The following SPRYD4 variants were observed in gnomAD, a reference collection of about 807,000 sequenced individuals.
The protein encoded by SPRYD4 is SPRY domain-containing protein 4.
Under a neutral mutation model 16.6 loss-of-function variants are expected in SPRYD4, and 12 were observed. The ratio of observed to expected loss-of-function variants is 0.72; its 90% confidence interval spans 0.46 to 1.17. The LOEUF (loss-of-function observed/expected upper bound fraction) is 1.17, where lower values mean the gene tolerates loss of function less well. Among genes scored for constraint, SPRYD4 ranks in the 50% most tolerant of loss-of-function variants. The pLI is 0.00. For synonymous variants in SPRYD4, 98 were observed against 105.4 expected (o/e 0.93, Z 0.43); for missense variants, 260 against 260.2 (o/e 1.00, Z 0.00).
At position 56,475,621 on chromosome 12, in the gene SPRYD4, T is replaced by TA; in HGVS notation, c.*6045dup. ...TCAGTCAGTCCTCTGAGTAGGGACT[T>TA]ACGTGGCATTGCTGAAACCCATGTA... On this transcript the variant is annotated 3_prime_UTR_variant, in exon 2 of 2. Coordinates refer to ENST00000338146, the MANE Select transcript of SPRYD4 (RefSeq NM_207344.4). 1.2e-6 allele frequency: 2 copies of TA among 1,614,056 alleles called. No individual in the cohort carries two copies. The highest frequency in any genetic ancestry group is 1.7e-6 in the Non-Finnish European group (2 of 1,179,940).
chr12:56,469,833 C>CT lies in SPRYD4; in HGVS notation c.*258dup, dbSNP rs1869162099. On this transcript the variant is annotated 3_prime_UTR_variant, in exon 2 of 2. Coordinates refer to ENST00000338146, the MANE Select transcript of SPRYD4 (RefSeq NM_207344.4). ...GGGTGTATCTTCCTTGACCTGCTTC[C>CT]TTCAGTCCCTCTGCCTCCCTTTGCC... 2.0e-6 allele frequency: 1 copy of CT among 505,788 alleles called. No individual in the cohort carries two copies. The highest frequency in any genetic ancestry group is 3.6e-6 in the Non-Finnish European group (1 of 280,528). The allele number at this position is 505,788 out of a possible 1,614,324, so 31.3% of individuals were successfully genotyped here.
chr12:56,479,111 C>A lies in SPRYD4; in HGVS notation c.*9534C>A. 6.2e-7 allele frequency: 1 copy of A among 1,614,046 alleles called. No individual in the cohort carries two copies. Among genetic ancestry groups the A allele is most frequent in the Middle Eastern group, 1.6e-4 (1 of 6,062 alleles). Reference sequence around the variant, plus strand: ...ATGCGATCCACATGGCCCGTGAACTCCTCAAAATCAGGAATGACAAACTTC... The same window carrying A: ...ATGCGATCCACATGGCCCGTGAACTACTCAAAATCAGGAATGACAAACTTC... On this transcript the variant is annotated 3_prime_UTR_variant, in exon 2 of 2. Transcript: ENST00000338146.
In SPRYD4 at chr12:56,469,554, C is replaced by T. The variant is rs1266644788; in HGVS notation, c.601C>T (p.Leu201Phe). The change falls in exon 2 of 2, where the codon CTT (leucine) becomes TTT (phenylalanine). Residue 201 changes from leucine (L) to phenylalanine (F), a missense_variant. Coordinates refer to ENST00000338146, the MANE Select transcript of SPRYD4 (RefSeq NM_207344.4). Reference sequence around the variant, plus strand: ...TGGGGAGCTGCTGACCCATTCAGGGCTTGAGGTGCCCGAGGGCCTCTAGTA... The same window carrying T: ...TGGGGAGCTGCTGACCCATTCAGGGTTTGAGGTGCCCGAGGGCCTCTAGTA... ...WDGELLTHSG[L>F]EVPEGL 1.9e-6 allele frequency: 3 copies of T among 1,613,662 alleles called. No individual in the cohort carries two copies. In the East Asian group the frequency reaches 6.7e-5, roughly 36 times the overall value.
chr12:56,472,363 T>C lies in SPRYD4; in HGVS notation c.*2786T>C, dbSNP rs1869361166. On this transcript the variant is annotated 3_prime_UTR_variant, in exon 2 of 2. Coordinates refer to ENST00000338146, the MANE Select transcript of SPRYD4 (RefSeq NM_207344.4). ...TTTCCATATCCAGATGAGACTGTTA[T>C]ACTCATATTAGAGAGATGGGAATGT... is the stretch of plus-strand genomic sequence containing the variant. 1 of 629,252 alleles carries C rather than the reference T, an allele frequency of 1.6e-6. No homozygotes were observed. Among genetic ancestry groups the C allele is most frequent in the South Asian group, 1.9e-5 (1 of 52,538 alleles). 39.0% of individuals were successfully genotyped at this position (629,252 alleles called of 1,614,324 possible). A position where few individuals can be genotyped will look rare whatever the true frequency, so the allele number is the denominator to read the frequency against.
rs1187458316 is a variant in SPRYD4, at chr12:56,473,407, C to T, written c.*3830C>T. ...TGCTTTATTATAGTAAAAGTGGTAC[C>T]ATTAAACAAATTTATTGCTTCAAAA... On this transcript the variant is annotated 3_prime_UTR_variant, in exon 2 of 2. Transcript: ENST00000338146. 2.5e-6 allele frequency: 4 copies of T among 1,602,930 alleles called. No individual in the cohort carries two copies. In the African/African-American group the frequency reaches 4.0e-5, roughly 16 times the overall value.
chr12:56,474,904 G>A lies in SPRYD4; in HGVS notation c.*5327G>A. 1 of 1,614,124 alleles carries A rather than the reference G, an allele frequency of 6.2e-7. No individual in the cohort carries two copies. The highest frequency in any genetic ancestry group is 8.5e-7 in the Non-Finnish European group (1 of 1,180,030). ...CACCCCCTTAGGAAAGCACTGCAAGGAAGAGAGGGGAGAGCATTTCTCTTC... is the reference window on the plus strand; with the variant it reads ...CACCCCCTTAGGAAAGCACTGCAAGAAAGAGAGGGGAGAGCATTTCTCTTC... On this transcript the variant is annotated 3_prime_UTR_variant, in exon 2 of 2. Coordinates refer to ENST00000338146, the MANE Select transcript of SPRYD4 (RefSeq NM_207344.4).
In SPRYD4 at chr12:56,476,126, GAA is replaced by G; in HGVS notation, c.*6552_*6553del. The G allele has an allele frequency of 1.5e-6, 1 of 683,574 alleles. No individual in the cohort carries two copies. The highest frequency in any genetic ancestry group is 2.5e-6 in the Non-Finnish European group (1 of 396,284). The allele number at this position is 683,574 out of a possible 1,614,324, so 42.3% of individuals were successfully genotyped here. A position where few individuals can be genotyped will look rare whatever the true frequency, so the allele number is the denominator to read the frequency against. On this transcript the variant is annotated 3_prime_UTR_variant, in exon 2 of 2. Transcript: ENST00000338146. ...ATAATGGCCCTTTTTTTATCCTTCT[GAA>G]AACACCGCACTTCCATTGGCTCCTC...
In SPRYD4 at chr12:56,479,298, G is replaced by A; in HGVS notation, c.*9721G>A. On this transcript the variant is annotated 3_prime_UTR_variant, in exon 2 of 2. Transcript: ENST00000338146. ...GTGGTCTTCAGGTTTGGGATCAACA[G>A]CTCTGTTACCTTTGGCAAATCAGTT... 1.5e-6 allele frequency: 2 copies of A among 1,310,802 alleles called. No homozygotes were observed. Among genetic ancestry groups the A allele is most frequent in the East Asian group, 2.5e-5 (1 of 39,600 alleles). 81.2% of individuals were successfully genotyped at this position (1,310,802 alleles called of 1,614,324 possible).
chr12:56,476,329 C>G lies in SPRYD4; in HGVS notation c.*6752C>G. On this transcript the variant is annotated 3_prime_UTR_variant, in exon 2 of 2. Coordinates refer to ENST00000338146, the MANE Select transcript of SPRYD4 (RefSeq NM_207344.4). Reference sequence around the variant, plus strand: ...GGCATGAGCCAGCTTGCTGGGCCATCCCACTTCCATTCTCAATCCAAACCC... The same window carrying G: ...GGCATGAGCCAGCTTGCTGGGCCATGCCACTTCCATTCTCAATCCAAACCC... 1 of 290,208 alleles carries G rather than the reference C, an allele frequency of 3.4e-6. No individual in the cohort carries two copies. The highest frequency in any genetic ancestry group is 3.8e-5 in the South Asian group (1 of 26,652). 18.0% of individuals were successfully genotyped at this position (290,208 alleles called of 1,614,324 possible).
rs565447844 is a variant in SPRYD4, at chr12:56,474,250, C to T, written c.*4673C>T. ...GATTACAGGTGCACACCACCACCCCCGGCTAATTTTTTGTATTTAGTAGAG... is the reference window on the plus strand; with the variant it reads ...GATTACAGGTGCACACCACCACCCCTGGCTAATTTTTTGTATTTAGTAGAG... On this transcript the variant is annotated 3_prime_UTR_variant, in exon 2 of 2. Coordinates refer to ENST00000338146, the MANE Select transcript of SPRYD4 (RefSeq NM_207344.4). 31 of 373,096 alleles carry T rather than the reference C, an allele frequency of 8.3e-5. No homozygotes were observed. Among genetic ancestry groups the T allele is most frequent in the East Asian group, 1.4e-4 (2 of 14,486 alleles). The allele number at this position is 373,096 out of a possible 1,614,324, so 23.1% of individuals were successfully genotyped here. A position where few individuals can be genotyped will look rare whatever the true frequency, so the allele number is the denominator to read the frequency against.
Position 56,473,366 on chromosome 12 carries a change from A to C in SPRYD4, c.*3789A>C. ...TATTGTTTATTTACTCCTTACACTT[A>C]GTAGGAGCTCAAAATTGCTTTATTA... On this transcript the variant is annotated 3_prime_UTR_variant, in exon 2 of 2. Transcript: ENST00000338146. The C allele has an allele frequency of 6.2e-7, 1 of 1,605,266 alleles. No homozygotes were observed. Among genetic ancestry groups the C allele is most frequent in the Non-Finnish European group, 8.5e-7 (1 of 1,174,990 alleles).
rs573528210 is a variant in SPRYD4, at chr12:56,478,859, G to A, written c.*9282G>A. 3.3e-6 allele frequency: 2 copies of A among 606,246 alleles called. No homozygotes were observed. The highest frequency in any genetic ancestry group is 1.9e-5 in the African/African-American group (1 of 53,320). The allele number at this position is 606,246 out of a possible 1,614,324, so 37.6% of individuals were successfully genotyped here. A position where few individuals can be genotyped will look rare whatever the true frequency, so the allele number is the denominator to read the frequency against. Reference sequence around the variant, plus strand: ...AATACAAAAATTAGTCGGGCATGGTGGTGTATGCCAGCTACTCGGGAGGCT... The same window carrying A: ...AATACAAAAATTAGTCGGGCATGGTAGTGTATGCCAGCTACTCGGGAGGCT... On this transcript the variant is annotated 3_prime_UTR_variant, in exon 2 of 2. Transcript: ENST00000338146.
rs1441122063 is a variant in SPRYD4 at position 56,474,048 on chromosome 12, A to C, written c.*4471A>C. The C allele has an allele frequency of 1.1e-5, 2 of 181,700 alleles. No individual in the cohort carries two copies. Among genetic ancestry groups the C allele is most frequent in the Non-Finnish European group, 2.3e-5 (2 of 85,972 alleles). 11.3% of individuals were successfully genotyped at this position (181,700 alleles called of 1,614,324 possible). ...CCAAGGAGAAGAGCCAGCAATGTGA[A>C]GCACAATTCAGGAGCTGCAACACCT... On this transcript the variant is annotated 3_prime_UTR_variant, in exon 2 of 2. Transcript: ENST00000338146.
chr12:56,475,653 CCCAG>C lies in SPRYD4; in HGVS notation c.*6080_*6083del. ...CATTGCTGAAACCCATGTATTCATT[CCCAG>C]CCATTTTGTTGAGATACTGCAACAC... On this transcript the variant is annotated 3_prime_UTR_variant, in exon 2 of 2. Coordinates refer to ENST00000338146, the MANE Select transcript of SPRYD4 (RefSeq NM_207344.4). 1 of 1,614,214 alleles carries C rather than the reference CCCAG, an allele frequency of 6.2e-7. No individual in the cohort carries two copies. Among genetic ancestry groups the C allele is most frequent in the Non-Finnish European group, 8.5e-7 (1 of 1,180,050 alleles).
At position 56,475,591 on chromosome 12, in the gene SPRYD4, T is replaced by C. The variant is rs1051868071; in HGVS notation, c.*6014T>C. 8.7e-6 allele frequency: 14 copies of C among 1,605,880 alleles called. No homozygotes were observed. Among genetic ancestry groups the C allele is most frequent in the Admixed American group, 1.7e-5 (1 of 59,966 alleles). On this transcript the variant is annotated 3_prime_UTR_variant, in exon 2 of 2. Coordinates refer to ENST00000338146, the MANE Select transcript of SPRYD4 (RefSeq NM_207344.4). ...CTAAGTACACACACATACACCACAATGCTTTCAGTCAGTCCTCTGAGTAGG... is the reference window on the plus strand; with the variant it reads ...CTAAGTACACACACATACACCACAACGCTTTCAGTCAGTCCTCTGAGTAGG...
In SPRYD4 at chr12:56,479,604, T is replaced by C. The variant is rs1261412388; in HGVS notation, c.*10027T>C. The C allele has an allele frequency of 8.4e-6, 6 of 717,856 alleles. No individual in the cohort carries two copies. Among genetic ancestry groups the C allele is most frequent in the Non-Finnish European group, 1.0e-5 (5 of 491,332 alleles). The allele number at this position is 717,856 out of a possible 1,614,324, so 44.5% of individuals were successfully genotyped here. Reference sequence around the variant, plus strand: ...TTGAGTAGGGAGGGAAAGGAGAACATGTATTTCTATATTGTTTGAACTCTT... The same window carrying C: ...TTGAGTAGGGAGGGAAAGGAGAACACGTATTTCTATATTGTTTGAACTCTT... On this transcript the variant is annotated 3_prime_UTR_variant, in exon 2 of 2. Transcript: ENST00000338146.
Position 56,476,265 on chromosome 12 carries a change from C to A in SPRYD4, c.*6688C>A, listed in dbSNP as rs147222384. 389 of 376,370 alleles carry A rather than the reference C, an allele frequency of 1.0e-3. 1 individual carries two copies. The highest frequency in any genetic ancestry group is 6.4e-3 in the Middle Eastern group (8 of 1,244). 23.3% of individuals were successfully genotyped at this position (376,370 alleles called of 1,614,324 possible). A position where few individuals can be genotyped will look rare whatever the true frequency, so the allele number is the denominator to read the frequency against. On this transcript the variant is annotated 3_prime_UTR_variant, in exon 2 of 2. Coordinates refer to ENST00000338146, the MANE Select transcript of SPRYD4 (RefSeq NM_207344.4). ...GCAGCTTTGACCTCCCAGGCTCAAG[C>A]GATCCTCCCACTTCAGCCTCCAAGT... is the stretch of plus-strand genomic sequence containing the variant.
At position 56,475,888 on chromosome 12, in the gene SPRYD4, A is replaced by G. The variant is rs576488070; in HGVS notation, c.*6311A>G. On this transcript the variant is annotated 3_prime_UTR_variant, in exon 2 of 2. Transcript: ENST00000338146. The stretch of plus-strand genomic sequence containing the variant: ...GTTAGAGAGCCACTGGGGCAGCTGG[A>G]GAGGACAGCATGCCATGGCGAAATG... The G allele has an allele frequency of 8.2e-5, 129 of 1,581,980 alleles. No individual in the cohort carries two copies. The East Asian group carries it at 2.7e-3, about 33-fold the overall frequency.
Position 56,478,520 on chromosome 12 carries a change from C to T in SPRYD4, c.*8943C>T. ...AAAAGGAGAATTCTGAGGCAACCTT[C>T]CCCTTTTGGTTCTTAGGCTCAGTTA... On this transcript the variant is annotated 3_prime_UTR_variant, in exon 2 of 2. Coordinates refer to ENST00000338146, the MANE Select transcript of SPRYD4 (RefSeq NM_207344.4). The T allele has an allele frequency of 2.1e-6, 1 of 476,228 alleles. No individual in the cohort carries two copies. The highest frequency in any genetic ancestry group is 3.8e-6 in the Non-Finnish European group (1 of 262,808). 29.5% of individuals were successfully genotyped at this position (476,228 alleles called of 1,614,324 possible). A position where few individuals can be genotyped will look rare whatever the true frequency, so the allele number is the denominator to read the frequency against.
Sources: gnomAD v4.1 joint callset for allele counts on GRCh38, gnomAD v4.1.1 for gene constraint, MANE v1.5 for transcripts, NCBI Gene and HGNC (gene_info 2026-07-23, HGNC 2026-07-21) for gene names.